Variants in TCF20 observed in about 807,000 individuals in gnomAD.
TCF20 encodes the protein transcription factor 20, also known as SPRE-binding protein.
TCF20 carries 3 observed loss-of-function variants against 148.6 expected under a neutral mutation model. That is an observed-to-expected ratio of 0.02 (90% CI 0.01 to 0.05). The LOEUF is 0.05. Among genes scored for constraint, TCF20 ranks in the 10% least tolerant of loss-of-function variants. The pLI is 1.00. For synonymous variants in TCF20, 1,049 were observed against 909.5 expected, an observed-to-expected ratio of 1.15 and a Z score of -2.76; for missense variants, 2,350 against 2,429.3, an observed-to-expected ratio of 0.97 and a Z score of 0.69.
intron 3 of TCF20, 97 bp downstream of exon 3, chr22:42,179,507 AAAAAG>A (rs1254503413): frequency 2.6e-5 from 20 of 762,432 alleles, no homozygotes; most frequent in East Asian, 1.2e-4. Flanking sequence ...AAAAAAAAAA[AAAAAG>A]AAAAGAAAAG....
intron 2 of TCF20, among the ~76,000 whole-genome samples, chr22:42,201,293 C>T (rs993091913): frequency 3.3e-5 from 5 of 152,160 alleles, no homozygotes; most frequent in African/African-American, 9.7e-5. Context: ...TATTTCTTTA[C>T]GGACTAATAC....
rs763632122 is a variant in TCF20 at position 42,212,640 on chromosome 22, C to T, written c.2666G>A (p.Ser889Asn). 6.2e-7 allele frequency: 1 copy of T among 1,614,172 alleles called. No individual in the cohort carries two copies. The highest frequency in any genetic ancestry group is 1.1e-5 in the South Asian group (1 of 91,088). Residue 889 changes from serine to asparagine, a missense_variant, in exon 2 of 6, where the codon AGT becomes AAT. Physicochemically the swap from Ser to Asn is conservative, Grantham distance 46. Transcript: ENST00000677622. Reference protein sequence around the residue: ...DPGAHSLGHMSADTRIGRNDR... With the variant: ...DPGAHSLGHMNADTRIGRNDR... ...ATTCCTCCCAATTCTGGTGTCGGCA[C>T]TCATGTGTCCCAGTGAGTGAGCCCC...
In TCF20 at chr22:42,212,643, A is replaced by T; in HGVS notation, c.2663T>A (p.Met888Lys). 6.2e-7 allele frequency: 1 copy of T among 1,614,128 alleles called. No individual in the cohort carries two copies. Among genetic ancestry groups the T allele is most frequent in the African/African-American group, 1.3e-5 (1 of 75,024 alleles). Residue 888 changes from methionine to lysine, a missense_variant, in exon 2 of 6, where the codon ATG becomes AAG. Physicochemically the swap from Met to Lys is moderately conservative, Grantham distance 95. This residue lies in a region of TCF20 where 1,641 missense variants were observed against 1,662.6 expected (regional missense o/e 0.99). Transcript: ENST00000677622. ...CCTCCCAATTCTGGTGTCGGCACTC[A>T]TGTGTCCCAGTGAGTGAGCCCCTGG... Reference protein sequence around the residue: ...RDPGAHSLGHMSADTRIGRND... With the variant: ...RDPGAHSLGHKSADTRIGRND...
chr22:42,182,546 C>T (rs1205410228), intron 2 of TCF20, among the ~76,000 whole-genome samples: 2 of 152,186 alleles, frequency 1.3e-5, no homozygotes, highest in Non-Finnish European at 2.9e-5. Context: ...AACTCCACAA[C>T]CTGGCAAGCA....
chr22:42,282,980 G>C (rs914290501), intron 1 of TCF20, among the ~76,000 whole-genome samples: 1 of 152,214 alleles, frequency 6.6e-6, no homozygotes, highest in Non-Finnish European at 1.5e-5. Flanking sequence ...TCCTTTTCCC[G>C]GGAAACCACT....
chr22:42,239,624 CTAAAAA>C (rs992040223), intron 1 of TCF20, among the ~76,000 whole-genome samples: 82 of 152,086 alleles, frequency 5.4e-4, no homozygotes, highest in African/African-American at 1.8e-3. Context: ...CCCACCTCTA[CTAAAAA>C]TAAAAATATT....
intron 2 of TCF20, among the ~76,000 whole-genome samples, chr22:42,201,510 G>A (rs1405346079): frequency 6.6e-6 from 1 of 152,180 alleles, no homozygotes; most frequent in Non-Finnish European, 1.5e-5. Context: ...GCTCATGCCT[G>A]TAATCCCAAC....
At chr22:42,298,607 G>C (rs532203569) in intron 1 of TCF20, among the ~76,000 whole-genome samples, 96 of 152,324 alleles carry the variant, frequency 6.3e-4, no homozygotes, top group African/African-American at 2.2e-3. Flanking sequence ...TCTTTGCACG[G>C]ATGGTGCTGG....
At position 42,211,790 on chromosome 22, in the gene TCF20, G is replaced by C. The variant is rs370393954; in HGVS notation, c.3516C>G (p.Asn1172Lys). Residue 1172 changes from asparagine (N) to lysine (K), a missense_variant, in exon 2 of 6, where the codon AAC becomes AAG. This residue lies in a region of TCF20 where 1,641 missense variants were observed against 1,662.6 expected (regional missense o/e 0.99). Transcript: ENST00000677622. ...AGCCATGCTTTAATTCCATGCCCTT[G>C]TTAGGCAGACCATCACTAGACATTA... The part of the protein sequence containing the change: ...RCLMSSDGLP[N>K]KGMELKHGSQ... The C allele has an allele frequency of 1.2e-6, 2 of 1,614,060 alleles. No homozygotes were observed. The highest frequency in any genetic ancestry group is 2.7e-5 in the African/African-American group (2 of 74,904).
intron 2 of TCF20, among the ~76,000 whole-genome samples, chr22:42,199,751 G>C (rs2147158802): frequency 1.4e-5 from 2 of 146,616 alleles, no homozygotes; most frequent in South Asian, 4.4e-4. Flanking sequence ...GCCAGATGTG[G>C]TGACAGGAGA....
chr22:42,223,304 G>C (rs966176378), intron 1 of TCF20, among the ~76,000 whole-genome samples: 2 of 152,176 alleles, frequency 1.3e-5, no homozygotes, highest in Non-Finnish European at 2.9e-5. Flanking sequence ...TCTAGGACAA[G>C]TTGGAGCTGA....
chr22:42,262,214 G>C (rs1435417714), intron 1 of TCF20, among the ~76,000 whole-genome samples: 1 of 152,156 alleles, frequency 6.6e-6, no homozygotes, highest in Non-Finnish European at 1.5e-5. Flanking sequence ...TGGCCGCTCT[G>C]GGTGAAGTGG....
intron 1 of TCF20, among the ~76,000 whole-genome samples, chr22:42,301,583 G>A (rs191708888): frequency 3.3e-5 from 5 of 152,216 alleles, no homozygotes; most frequent in Admixed American, 6.5e-5. Flanking sequence ...TTCGACAGGC[G>A]GAGGTGTCTG....
intron 1 of TCF20, among the ~76,000 whole-genome samples, chr22:42,221,227 A>G (rs557958690): frequency 4.6e-5 from 7 of 152,336 alleles, no homozygotes; most frequent in Admixed American, 3.3e-4. Flanking sequence ...CGGCTTCCCC[A>G]TGAGCTCACG....
At position 42,211,403 on chromosome 22, in the gene TCF20, A is replaced by C. The variant is rs769394901; in HGVS notation, c.3903T>G (p.His1301Gln). 6.2e-7 allele frequency: 1 copy of C among 1,614,210 alleles called. No individual in the cohort carries two copies. Among genetic ancestry groups the C allele is most frequent in the Non-Finnish European group, 8.5e-7 (1 of 1,180,040 alleles). Residue 1301 changes from histidine to glutamine, a missense_variant, in exon 2 of 6, where the codon CAT becomes CAG. Around this residue, in one of 7 missense-constraint regions of TCF20, gnomAD observed 1,641 missense variants for 1,662.6 expected, o/e 0.99. Transcript: ENST00000677622. ...ACTTGATATCCTGACTGTGAGAAAG[A>C]TGGGCATAGGAATTGAATGCTTTAT... ...GADKAFNSYAHLSHSQDIKSI... is the reference protein window; with the variant it reads ...GADKAFNSYAQLSHSQDIKSI...
At chr22:42,188,171 G>A (rs888946516) in intron 2 of TCF20, among the ~76,000 whole-genome samples, 2 of 151,758 alleles carry the variant, frequency 1.3e-5, no homozygotes, top group Admixed American at 6.6e-5. Context: ...GTGCATGGCT[G>A]TAATCCCAGC....
Position 42,213,560 on chromosome 22 carries a change from G to C in TCF20, c.1746C>G (p.Thr582=). The C allele has an allele frequency of 6.2e-7, 1 of 1,614,192 alleles. No homozygotes were observed. The highest frequency in any genetic ancestry group is 8.5e-7 in the Non-Finnish European group (1 of 1,180,038). The change falls in exon 2 of 6, where the codon ACC becomes ACG. Residue 582 remains threonine (T), a synonymous_variant. Coordinates refer to ENST00000677622, the MANE Select transcript of TCF20 (RefSeq NM_001378418.1). ...NASPAAREEA[T]SPGAKDMPLS... ...ATGGCATGTCCTTAGCGCCTGGTGA[G>C]GTGGCCTCTTCTCTTGCGGCAGGAC...
At chr22:42,162,152 TG>T (rs1267913237) in intron 5 of TCF20, among the ~76,000 whole-genome samples, 1 of 151,914 alleles carries the variant, frequency 6.6e-6, no homozygotes, top group Non-Finnish European at 1.5e-5. Flanking sequence ...GGCTAATTTT[TG>T]TATTTTTAGG....
chr22:42,173,239 T>C (rs1187636083), intron 3 of TCF20, among the ~76,000 whole-genome samples: 1 of 126,996 alleles, frequency 7.9e-6, no homozygotes, highest in Non-Finnish European at 1.6e-5. Context: ...TTAAATACAT[T>C]AATTAAAAAA....
Sources: gnomAD v4.1 joint callset for allele counts (sites outside exome capture counted in the v4.1 genomes callset) on GRCh38, gnomAD v4.1.1 for gene constraint, gnomAD v4.1.1 regional missense constraint, MANE v1.5 for transcripts, NCBI Gene and HGNC (gene_info 2026-07-23, HGNC 2026-07-21) for gene names.